STK31: variants seen among roughly 807,000 people sequenced by gnomAD.
STK31 encodes the protein serine/threonine kinase 31.
A neutral mutation model predicts 129.7 loss-of-function variants in STK31; 89 were observed. The observed-to-expected ratio is 0.69, with a 90% confidence interval of 0.58 to 0.82. STK31 has a LOEUF of 0.82. Among genes scored for constraint, STK31 ranks in the 40% least tolerant of loss-of-function variants. The pLI, the probability that STK31 is intolerant of heterozygous loss-of-function variation, is 0.00. For synonymous variants in STK31, 448 were observed against 395.3 expected (o/e 1.13, Z -1.58); for missense variants, 1,187 against 1,176.4 (o/e 1.01, Z -0.13).
chr7:23,832,447 G>A lies in STK31; in HGVS notation c.*81G>A, dbSNP rs1794619131. Reference sequence around the variant, plus strand: ...CACAGAAATATCTAGAAATGTTCTGGGACTAGTTGAGTTGTATCTTTAGTA... The same window carrying A: ...CACAGAAATATCTAGAAATGTTCTGAGACTAGTTGAGTTGTATCTTTAGTA... On this transcript the variant is annotated 3_prime_UTR_variant, in exon 24 of 24. Coordinates refer to ENST00000355870, the MANE Select transcript of STK31 (RefSeq NM_031414.5). The A allele has an allele frequency of 2.0e-6, 2 of 1,007,188 alleles. No homozygotes were observed. Among genetic ancestry groups the A allele is most frequent in the Non-Finnish European group, 3.0e-6 (2 of 673,132 alleles). The allele number at this position is 1,007,188 out of a possible 1,614,324, so 62.4% of individuals were successfully genotyped here.
chr7:23,731,575 A>C (rs1258383369), intron 6 of STK31, among the ~76,000 whole-genome samples: 1 of 152,212 alleles, frequency 6.6e-6, no homozygotes, highest in Admixed American at 6.5e-5. Context: ...ATTCAGTAAC[A>C]ACACAAATAC....
At chr7:23,716,286 A>G (rs1010974775) in intron 3 of STK31, among the ~76,000 whole-genome samples, 2 of 152,204 alleles carry the variant, frequency 1.3e-5, no homozygotes, top group African/African-American at 4.8e-5. Flanking sequence ...AGAGTTCCAC[A>G]GAAGTGATAT....
chr7:23,758,027 CG>C (rs1789210603), intron 10 of STK31, among the ~76,000 whole-genome samples: 1 of 152,156 alleles, frequency 6.6e-6, no homozygotes, highest in East Asian at 1.9e-4. Context: ...CAGCACATGT[CG>C]TAGGGAGCAC....
intron 8 of STK31, among the ~76,000 whole-genome samples, chr7:23,748,477 A>G (rs1024641565): frequency 5.9e-5 from 9 of 152,194 alleles, no homozygotes; most frequent in African/African-American, 1.9e-4. Context: ...ACATGGGTCC[A>G]CTTATATGTG....
chr7:23,775,777 A>T (rs1249456934), intron 15 of STK31, among the ~76,000 whole-genome samples: 1 of 152,234 alleles, frequency 6.6e-6, no homozygotes, highest in African/African-American at 2.4e-5. Flanking sequence ...ATCTGCAAAC[A>T]GAGACAATTT....
At chr7:23,755,118 A>G (rs1788984891) in intron 10 of STK31, 1 of 152,180 alleles carries the variant, frequency 6.6e-6, no homozygotes, top group South Asian at 2.1e-4. Context: ...TCCCACCAAC[A>G]CTGTGAAAGT....
chr7:23,828,509 A>T (rs551129340), intron 23 of STK31, among the ~76,000 whole-genome samples: 67 of 152,314 alleles, frequency 4.4e-4, no homozygotes, highest in African/African-American at 1.6e-3. Flanking sequence ...TTCTTTGACT[A>T]GGAAAGGGAA....
At chr7:23,774,067 T>C (rs1790375647) in intron 15 of STK31, among the ~76,000 whole-genome samples, 1 of 152,148 alleles carries the variant, frequency 6.6e-6, no homozygotes, top group Admixed American at 6.5e-5. Context: ...TTGCTGAGAA[T>C]GATGGCTTCC....
chr7:23,736,801 T>G, intron 7 of STK31, 103 bp from the exon 8 acceptor site: 1 of 898,296 alleles, frequency 1.1e-6, no homozygotes. Context: ...AAAATTAACT[T>G]TCAGATATAT....
intron 22 of STK31, among the ~76,000 whole-genome samples, chr7:23,805,918 A>C (rs1056735375): frequency 6.6e-6 from 1 of 152,246 alleles, no homozygotes; most frequent in Non-Finnish European, 1.5e-5. Context: ...CCCTCCTAAC[A>C]AGCATGTGAG....
intron 23 of STK31, among the ~76,000 whole-genome samples, chr7:23,825,938 G>A (rs1794121046): frequency 6.6e-6 from 1 of 152,042 alleles, no homozygotes; most frequent in Non-Finnish European, 1.5e-5. Flanking sequence ...CTGAGTTCTA[G>A]TTCATTGCAC....
At chr7:23,720,438 C>T (rs1467819035) in intron 4 of STK31, among the ~76,000 whole-genome samples, 3 of 152,122 alleles carry the variant, frequency 2.0e-5, no homozygotes, top group Admixed American at 2.0e-4. Flanking sequence ...CACTCATGCT[C>T]TTTCACTCTT....
intron 10 of STK31, chr7:23,755,091 G>T (rs1372644960): frequency 6.6e-6 from 1 of 152,180 alleles, no homozygotes; most frequent in Non-Finnish European, 1.5e-5. Flanking sequence ...TTCCACAATG[G>T]TTGAACTAAT....
intron 12 of STK31, 68 bp downstream of exon 12, chr7:23,769,242 C>T (rs1022949875): frequency 1.1e-4 from 153 of 1,387,760 alleles, no homozygotes; most frequent in Middle Eastern, 2.1e-4. Context: ...AAAAATCACG[C>T]GCTTTGTTCA....
At chr7:23,809,436 A>G (rs1345098088) in intron 22 of STK31, among the ~76,000 whole-genome samples, 1 of 152,264 alleles carries the variant, frequency 6.6e-6, no homozygotes, top group South Asian at 2.1e-4. Context: ...ACTTGAGATC[A>G]TGTTATGTGC....
intron 19 of STK31, 27 bp downstream of exon 19, chr7:23,786,660 A>G (rs1402876089): frequency 1.3e-6 from 2 of 1,597,390 alleles, no homozygotes; most frequent in East Asian, 2.2e-5. Context: ...AATCTCTTGC[A>G]GAAACCATTT....
chr7:23,804,352 GC>G (rs1462490248), intron 22 of STK31, among the ~76,000 whole-genome samples: 1 of 152,104 alleles, frequency 6.6e-6, no homozygotes, highest in Admixed American at 6.5e-5. Flanking sequence ...TCGAGTGGAA[GC>G]TTTTTGGGAG....
At chr7:23,799,974 A>G (rs1792262643) in intron 22 of STK31, among the ~76,000 whole-genome samples, 1 of 152,262 alleles carries the variant, frequency 6.6e-6, no homozygotes, top group African/African-American at 2.4e-5. Context: ...GCCAACAAGC[A>G]TATGAAAAAA....
At chr7:23,759,249 G>T (rs1789301652) in intron 10 of STK31, among the ~76,000 whole-genome samples, 1 of 152,150 alleles carries the variant, frequency 6.6e-6, no homozygotes, top group Non-Finnish European at 1.5e-5. Context: ...AGGATATTCA[G>T]GACTTGAACT....
Sources: allele counts gnomAD v4.1 joint callset (sites outside exome capture counted in the v4.1 genomes callset), GRCh38; gene constraint gnomAD v4.1.1; transcripts MANE v1.5; gene names NCBI Gene and HGNC (gene_info 2026-07-23, HGNC 2026-07-21).